The following STAT3 variants were observed in gnomAD, a reference collection of about 807,000 sequenced individuals.
The protein encoded by STAT3 is signal transducer and activator of transcription 3.
STAT3 carries 7 observed loss-of-function variants against 114.3 expected under a neutral mutation model. The ratio of observed to expected loss-of-function variants is 0.06; its 90% CI spans 0.03 to 0.11. The LOEUF (loss-of-function observed/expected upper bound fraction) is 0.11. Ranked by LOEUF, STAT3 falls within the 10% of genes least tolerant of loss-of-function variation. The probability of loss-of-function intolerance (pLI) is 1.00; values close to 1 mark genes in which losing one functional copy is unlikely to be tolerated. For missense variants in STAT3, 364 were observed against 960.9 expected, an observed-to-expected ratio of 0.38 and a Z score of 8.21; for synonymous variants, 331 against 354.5, an observed-to-expected ratio of 0.93 and a Z score of 0.74.
chr17:42,359,549 C>T (rs930991802), intron 1 of STAT3, among the ~76,000 whole-genome samples: 1 of 151,678 alleles, frequency 6.6e-6, no homozygotes, highest in Admixed American at 6.6e-5. Context: ...AAGTGATATT[C>T]AAAACAAAAG....
chr17:42,325,261 C>T lies in STAT3; in HGVS notation c.1366-200G>A, dbSNP rs899706711. 16 of 579,498 alleles carry T rather than the reference C, an allele frequency of 2.8e-5. 2 individuals carry two copies. The highest frequency in any genetic ancestry group is 2.7e-4 in the Admixed American group (9 of 33,890). 35.9% of individuals were successfully genotyped at this position (579,498 alleles called of 1,614,324 possible). On this transcript the variant is annotated intron_variant, in intron 15 of 23. Transcript: ENST00000264657. Reference sequence around the variant, plus strand: ...AAGAATGCCCAGCGTGGCCACACAACTCAGGCTGCAGTCGGAATATACCGG... The same window carrying T: ...AAGAATGCCCAGCGTGGCCACACAATTCAGGCTGCAGTCGGAATATACCGG...
In STAT3 at chr17:42,366,670, CAAAA is replaced by C. The variant is rs34003618; in HGVS notation, c.-23-18135_-23-18132del. On this transcript the variant is annotated intron_variant, in intron 1 of 23. Coordinates refer to ENST00000264657, the MANE Select transcript of STAT3 (RefSeq NM_139276.3). ...TGGGAGACAGAGTAAGATCCTGTCT[CAAAA>C]AAAAAAAAAAAAAAAAAAAAGGAAG... Among the ~76,000 whole-genome samples, 15 of 57,598 alleles carry C rather than the reference CAAAA, an allele frequency of 2.6e-4. No individual in the cohort carries two copies. The South Asian group carries it at 3.6e-3, about 14-fold the overall frequency. 37.8% of individuals were successfully genotyped at this position (57,598 alleles called of 152,430 possible). A position where few individuals can be genotyped will look rare whatever the true frequency, so the allele number is the denominator to read the frequency against.
chr17:42,384,520 C>T (rs1235191710), intron 1 of STAT3, among the ~76,000 whole-genome samples: 1 of 151,674 alleles, frequency 6.6e-6, no homozygotes. Flanking sequence ...AATCACTTCT[C>T]CCCTACTTAC....
chr17:42,363,995 T>C (rs1256328171), intron 1 of STAT3, among the ~76,000 whole-genome samples: 2 of 152,144 alleles, frequency 1.3e-5, no homozygotes, highest in South Asian at 2.1e-4. Context: ...GGCTCTTTCC[T>C]ATTGGCTTTG....
At chr17:42,363,256 A>C (rs1241435214) in intron 1 of STAT3, among the ~76,000 whole-genome samples, 1 of 152,198 alleles carries the variant, frequency 6.6e-6, no homozygotes, top group Non-Finnish European at 1.5e-5. Context: ...AAATTCAAGA[A>C]TGATCAAGAA....
chr17:42,380,840 G>C (rs927867726), intron 1 of STAT3, among the ~76,000 whole-genome samples: 10 of 152,152 alleles, frequency 6.6e-5, no homozygotes, highest in African/African-American at 1.2e-4. Flanking sequence ...TTGAGCCTAG[G>C]AGGTCAAGGC....
chr17:42,387,071 T>A (rs1028258980), intron 1 of STAT3: 1 of 152,212 alleles, frequency 6.6e-6, no homozygotes, highest in African/African-American at 2.4e-5. Context: ...CAATGCTTTA[T>A]CAGCACAGCC....
In STAT3 at chr17:42,329,499, C is replaced by T. The variant is rs757247571; in HGVS notation, c.1234-42G>A. 2.5e-6 allele frequency: 4 copies of T among 1,614,206 alleles called. No homozygotes were observed. In the South Asian group the frequency reaches 4.4e-5, roughly 18 times the overall value. On this transcript the variant is annotated intron_variant, in intron 13 of 23. Coordinates refer to ENST00000264657, the MANE Select transcript of STAT3 (RefSeq NM_139276.3). ...AGGCAGGTGTCCTGTGAGGCTCTCC[C>T]TAGCCCTCTCCGGCAGCCAGAGGCC...
intron 1 of STAT3, among the ~76,000 whole-genome samples, chr17:42,371,457 G>A (rs2145259584): frequency 6.7e-6 from 1 of 150,188 alleles, no homozygotes; most frequent in Non-Finnish European, 1.5e-5. Context: ...GATCACCTGA[G>A]AACGGGGAGT....
At chr17:42,339,480 C>CA in intron 4 of STAT3, 71 bp from the exon 5 acceptor site, 1 of 1,481,698 alleles carries the variant, frequency 6.7e-7, no homozygotes, top group Non-Finnish European at 9.4e-7. Context: ...ACCCAGCTTC[C>CA]ATCCCACCCT....
chr17:42,326,833 A>G (rs1004507834), intron 14 of STAT3, among the ~76,000 whole-genome samples: 8 of 152,164 alleles, frequency 5.3e-5, no homozygotes, highest in Non-Finnish European at 1.5e-5. Context: ...CAATCAGTCA[A>G]TCAATAAAAA....
At chr17:42,318,802 T>A (rs754718403) in intron 21 of STAT3, among the ~76,000 whole-genome samples, 5 of 152,208 alleles carry the variant, frequency 3.3e-5, no homozygotes, top group Admixed American at 6.5e-5. Context: ...CTGAGTTTAC[T>A]TTGGGCCAAG....
rs566942590 is a variant in STAT3 at position 42,335,756 on chromosome 17, T to C, written c.797+1679A>G. On this transcript the variant is annotated intron_variant, in intron 8 of 23. Coordinates refer to ENST00000264657, the MANE Select transcript of STAT3 (RefSeq NM_139276.3). ...GCATGGGCCTGTAATCCCAGCTACT[T>C]GGAAGGTTGTGACTAAGAATCGCTT... is the stretch of plus-strand genomic sequence containing the variant. Among the ~76,000 whole-genome samples, 5 of 152,140 alleles carry C rather than the reference T, an allele frequency of 3.3e-5. No individual in the cohort carries two copies. In the South Asian group the frequency reaches 1.0e-3, roughly 32 times the overall value.
At chr17:42,385,217 T>C (rs971559675) in intron 1 of STAT3, among the ~76,000 whole-genome samples, 3 of 152,090 alleles carry the variant, frequency 2.0e-5, no homozygotes, top group African/African-American at 7.2e-5. Context: ...GCAAAAGGTA[T>C]ATATATGTTG....
At chr17:42,320,727 T>TAAAAA (rs756271214) in intron 21 of STAT3, among the ~76,000 whole-genome samples, 3 of 60,086 alleles carry the variant, frequency 5.0e-5, no homozygotes, top group African/African-American at 1.2e-4. Flanking sequence ...AGACTTAGTC[T>TAAAAA]AAAAAAAAAA....
At chr17:42,358,808 T>C (rs535696210) in intron 1 of STAT3, among the ~76,000 whole-genome samples, 6 of 152,294 alleles carry the variant, frequency 3.9e-5, no homozygotes, top group African/African-American at 1.4e-4. Flanking sequence ...TGAAGAACTG[T>C]TGTAAAGTTA....
At chr17:42,378,495 C>T (rs879717467) in intron 1 of STAT3, among the ~76,000 whole-genome samples, 1 of 152,170 alleles carries the variant, frequency 6.6e-6, no homozygotes, top group Admixed American at 6.5e-5. Context: ...AATCCACATG[C>T]CTTGGTCTCC....
rs1418958306 is a variant in STAT3 at position 42,316,802 on chromosome 17, T to G, written c.2244A>C (p.Ala748=). 1 of 1,613,948 alleles carries G rather than the reference T, an allele frequency of 6.2e-7. No homozygotes were observed. Among genetic ancestry groups the G allele is most frequent in the Admixed American group, 1.7e-5 (1 of 60,006 alleles). Residue 748 remains alanine (A), a synonymous_variant, in exon 23 of 24, where the codon GCA becomes GCC. Transcript: ENST00000264657. ...GNNGEGAEPS[A]GGQFESLTFD... is the part of the protein sequence containing the mutation. ...CCAAATACTCACCAAACTGCCCTCC[T>G]GCTGAGGGTTCAGCACCTTCACCAT...
At chr17:42,360,273 T>C (rs903290581) in intron 1 of STAT3, among the ~76,000 whole-genome samples, 3 of 150,750 alleles carry the variant, frequency 2.0e-5, no homozygotes, top group African/African-American at 7.3e-5. Flanking sequence ...GCTCAAGCGA[T>C]CCTCCAGCCT....
Sources: gnomAD v4.1 joint callset for allele counts (sites outside exome capture counted in the v4.1 genomes callset) on GRCh38, gnomAD v4.1.1 for gene constraint, MANE v1.5 for transcripts, NCBI Gene and HGNC (gene_info 2026-07-23, HGNC 2026-07-21) for gene names.